HASPIN: variants seen among roughly 807,000 people sequenced by gnomAD.
HASPIN encodes the protein histone H3 associated protein kinase, also known as serine/threonine-protein kinase haspin.
A neutral mutation model predicts 28.8 loss-of-function variants in HASPIN; 24 were observed. The ratio of observed to expected loss-of-function variants is 0.83; its 90% CI spans 0.60 to 1.17. The LOEUF (loss-of-function observed/expected upper bound fraction) is 1.17, where lower values mean the gene tolerates loss of function less well. Ranked by LOEUF, HASPIN falls within the 50% of genes most tolerant of loss-of-function variation. The probability of loss-of-function intolerance (pLI) is 0.00; values close to 1 mark genes in which losing one functional copy is unlikely to be tolerated. For synonymous variants in HASPIN, 440 were observed against 413.1 expected, an observed-to-expected ratio of 1.07 and a Z score of -0.79; for missense variants, 1,016 against 1,018.5, an observed-to-expected ratio of 1.00 and a Z score of 0.03.
In HASPIN at chr17:3,724,695, CCT is replaced by C. The variant is rs2051164201; in HGVS notation, c.761_762del (p.Pro254ArgfsTer4). On this transcript the variant is annotated frameshift_variant, in exon 1 of 1. Transcript: ENST00000325418. LOFTEE classifies it low-confidence loss of function (END_TRUNC). ...CTTTGGCCTTATGAACTCAGGAACC[CCT>C]GAGGATTCTGAGTTTCGGGCAGATG... ...VLFGLMNSGTPEDSEFRADGK... is the reference protein window; with the variant it reads ...VLFGLMNSGTXEDSEFRADGK... 1.2e-6 allele frequency: 2 copies of C among 1,614,072 alleles called. No homozygotes were observed. The highest frequency in any genetic ancestry group is 2.7e-5 in the African/African-American group (2 of 74,922).
Position 3,725,141 on chromosome 17 carries a change from C to T in HASPIN, c.1206C>T (p.Val402=). The change falls in exon 1 of 1, where the codon GTC becomes GTT. Residue 402 remains valine, a synonymous_variant. Coordinates refer to ENST00000325418, the MANE Select transcript of HASPIN (RefSeq NM_031965.2). The part of the protein sequence containing the change: ...KKKIVTDVSE[V]CSIYTTATSL... Reference sequence around the variant, plus strand: ...AAATTGTGACTGATGTGTCAGAGGTCTGCAGCATCTATACCACTGCCACTT... The same window carrying T: ...AAATTGTGACTGATGTGTCAGAGGTTTGCAGCATCTATACCACTGCCACTT... The T allele has an allele frequency of 6.2e-7, 1 of 1,614,180 alleles. No individual in the cohort carries two copies. The highest frequency in any genetic ancestry group is 1.3e-5 in the African/African-American group (1 of 75,048).
chr17:3,725,989 T>G lies in HASPIN; in HGVS notation c.2054T>G (p.Ile685Ser). 2 of 1,613,900 alleles carry G rather than the reference T, an allele frequency of 1.2e-6. No individual in the cohort carries two copies. Among genetic ancestry groups the G allele is most frequent in the Non-Finnish European group, 1.7e-6 (2 of 1,180,010 alleles). The change falls in exon 1 of 1, where the codon ATC becomes AGC. Residue 685 changes from isoleucine (I) to serine (S), a missense_variant. By Grantham distance (142) the Ile-to-Ser change is moderately radical. Coordinates refer to ENST00000325418, the MANE Select transcript of HASPIN (RefSeq NM_031965.2). ...TIPSCGLQVS[I>S]IDYTLSRLER... The stretch of plus-strand genomic sequence containing the variant: ...CCCAGCTGTGGGTTGCAAGTGAGCA[T>G]CATTGACTACACCCTGTCGCGCTTG...
At position 3,726,325 on chromosome 17, in the gene HASPIN, TTAAG is replaced by T; in HGVS notation, c.2395_*1del. ...GACTTGCTCTGCCAGCACAGTCTGT[TTAAG>T]TAAGCTAAATGTATCTTACTGCCCC... is the stretch of plus-strand genomic sequence containing the variant. On this transcript the variant is annotated frameshift_variant, in exon 1 of 1. Transcript: ENST00000325418. LOFTEE classifies it high-confidence loss of function. 1 of 1,605,902 alleles carries T rather than the reference TTAAG, an allele frequency of 6.2e-7. No homozygotes were observed. Among genetic ancestry groups the T allele is most frequent in the Non-Finnish European group, 8.5e-7 (1 of 1,174,292 alleles).
Position 3,725,417 on chromosome 17 carries a change from GT to G in HASPIN, c.1485del (p.Phe495LeufsTer14), listed in dbSNP as rs759403494. ...GCTGTGAGAAGATTGGGGAAGGGGT[GT>G]TTGGCGAAGTGTTTCAAACAATTGC... ...QRCEKIGEGV[F>X]GEVFQTIADH... On this transcript the variant is annotated frameshift_variant, in exon 1 of 1. Transcript: ENST00000325418. LOFTEE classifies it high-confidence loss of function. 1.2e-6 allele frequency: 2 copies of G among 1,614,206 alleles called. No individual in the cohort carries two copies. The highest frequency in any genetic ancestry group is 1.7e-6 in the Non-Finnish European group (2 of 1,180,032).
In HASPIN at chr17:3,725,851, C is replaced by T; in HGVS notation, c.1916C>T (p.Ala639Val). The change falls in exon 1 of 1, where the codon GCA becomes GTA. Residue 639 changes from alanine to valine, a missense_variant. Transcript: ENST00000325418. ...CAGCTCACAGCCTCCCTCGCAGTGG[C>T]AGAGGCATCACTGCGCTTTGAGCAC... ...LHQLTASLAV[A>V]EASLRFEHRD... The T allele has an allele frequency of 6.2e-7, 1 of 1,611,718 alleles. No homozygotes were observed. The highest frequency in any genetic ancestry group is 1.1e-5 in the South Asian group (1 of 91,076).
chr17:3,724,207 G>A lies in HASPIN; in HGVS notation c.272G>A (p.Arg91Gln), dbSNP rs957634086. Residue 91 changes from arginine (R) to glutamine (Q), a missense_variant, in exon 1 of 1, where the codon CGG becomes CAG. By Grantham distance (43) the Arg-to-Gln change is conservative. Coordinates refer to ENST00000325418, the MANE Select transcript of HASPIN (RefSeq NM_031965.2). ...RRPGGRVPKD[R>Q]PSLTVTPKRW... ...CCCGGCGGCCGAGTGCCCAAGGACC[G>A]GCCCAGCCTGACCGTGACCCCAAAG... 21 of 1,592,898 alleles carry A rather than the reference G, an allele frequency of 1.3e-5. No homozygotes were observed. The highest frequency in any genetic ancestry group is 1.7e-5 in the Non-Finnish European group (20 of 1,177,196).
rs761869674 is a variant in HASPIN, at chr17:3,725,155, C to T, written c.1220C>T (p.Thr407Ile). Residue 407 changes from threonine (T) to isoleucine (I), a missense_variant, in exon 1 of 1, where the codon ACC becomes ATC. Around this residue, in one of 3 missense-constraint regions of HASPIN, gnomAD observed 881 missense variants for 845.5 expected, o/e 1.04. Coordinates refer to ENST00000325418, the MANE Select transcript of HASPIN (RefSeq NM_031965.2). ...TDVSEVCSIYTTATSLSGSLL... is the reference protein window; with the variant it reads ...TDVSEVCSIYITATSLSGSLL... ...GTGTCAGAGGTCTGCAGCATCTATACCACTGCCACTTCTCTCTCTGGATCC... is the reference window on the plus strand; with the variant it reads ...GTGTCAGAGGTCTGCAGCATCTATATCACTGCCACTTCTCTCTCTGGATCC... 6.2e-7 allele frequency: 1 copy of T among 1,614,186 alleles called. No individual in the cohort carries two copies. The highest frequency in any genetic ancestry group is 1.1e-5 in the South Asian group (1 of 91,080).
chr17:3,725,132 G>A lies in HASPIN; in HGVS notation c.1197G>A (p.Val399=), dbSNP rs373881680. The change falls in exon 1 of 1, where the codon GTG becomes GTA. Residue 399 remains valine (V), a synonymous_variant. Transcript: ENST00000325418. ...SFHKKKIVTD[V]SEVCSIYTTA... is the part of the protein sequence containing the mutation. ...ACAAGAAGAAAATTGTGACTGATGT[G>A]TCAGAGGTCTGCAGCATCTATACCA... is the stretch of plus-strand genomic sequence containing the variant. The A allele has an allele frequency of 7.9e-5, 127 of 1,614,058 alleles. No homozygotes were observed. The highest frequency in any genetic ancestry group is 1.1e-4 in the Non-Finnish European group (125 of 1,180,040).
rs756143093 is a variant in HASPIN, at chr17:3,724,920, G to C, written c.985G>C (p.Asp329His). The change falls in exon 1 of 1, where the codon GAC becomes CAC. Residue 329 changes from aspartate to histidine, a missense_variant. Asp to His is a moderately conservative substitution (Grantham distance 81, BLOSUM62 -1). Around this residue, in one of 3 missense-constraint regions of HASPIN, gnomAD observed 881 missense variants for 845.5 expected, o/e 1.04. Transcript: ENST00000325418. ...GGGCCGCATTGTGCCAAGGGGAATAGACAGGCTGGAGAGAACTAGATCAAG... is the reference window on the plus strand; with the variant it reads ...GGGCCGCATTGTGCCAAGGGGAATACACAGGCTGGAGAGAACTAGATCAAG... ...PKGRIVPRGI[D>H]RLERTRSSRK... 1.2e-6 allele frequency: 2 copies of C among 1,613,684 alleles called. No homozygotes were observed. Among genetic ancestry groups the C allele is most frequent in the African/African-American group, 1.3e-5 (1 of 75,048 alleles).
chr17:3,725,150 C>G lies in HASPIN; in HGVS notation c.1215C>G (p.Ile405Met), dbSNP rs777054247. 1 of 1,614,196 alleles carries G rather than the reference C, an allele frequency of 6.2e-7. No homozygotes were observed. The highest frequency in any genetic ancestry group is 1.1e-5 in the South Asian group (1 of 91,084). ...CTGATGTGTCAGAGGTCTGCAGCAT[C>G]TATACCACTGCCACTTCTCTCTCTG... ...IVTDVSEVCSIYTTATSLSGS... is the reference protein window; with the variant it reads ...IVTDVSEVCSMYTTATSLSGS... Residue 405 changes from isoleucine (I) to methionine (M), a missense_variant, in exon 1 of 1, where the codon ATC becomes ATG. Transcript: ENST00000325418.
rs749752726 is a variant in HASPIN, at chr17:3,725,510, T to A, written c.1575T>A (p.His525Gln). 2.5e-6 allele frequency: 4 copies of A among 1,614,156 alleles called. No individual in the cohort carries two copies. Among genetic ancestry groups the A allele is most frequent in the East Asian group, 2.2e-5 (1 of 44,886 alleles). The change falls in exon 1 of 1, where the codon CAT (histidine) becomes CAA (glutamine). Residue 525 changes from histidine (H) to glutamine (Q), a missense_variant. This residue lies in a region of HASPIN where 881 missense variants were observed against 845.5 expected (regional missense o/e 1.04). Coordinates refer to ENST00000325418, the MANE Select transcript of HASPIN (RefSeq NM_031965.2). ...GACCAGATTTAGTCAATGGATCCCA[T>A]CAGAAAACCTTTGAGGAAATCCTGC... ...IEGPDLVNGS[H>Q]QKTFEEILPE...
At position 3,724,089 on chromosome 17, in the gene HASPIN, G is replaced by T; in HGVS notation, c.154G>T (p.Ala52Ser). 1 of 1,595,472 alleles carries T rather than the reference G, an allele frequency of 6.3e-7. No individual in the cohort carries two copies. The highest frequency in any genetic ancestry group is 8.5e-7 in the Non-Finnish European group (1 of 1,177,504). Reference protein sequence around the residue: ...RFFNSSGSSDASIGDPSQSDD... With the variant: ...RFFNSSGSSDSSIGDPSQSDD... ...CTTCAACAGCAGCGGCAGCAGCGACGCCAGCATCGGCGACCCCTCGCAGTC... is the reference window on the plus strand; with the variant it reads ...CTTCAACAGCAGCGGCAGCAGCGACTCCAGCATCGGCGACCCCTCGCAGTC... Residue 52 changes from alanine (A) to serine (S), a missense_variant, in exon 1 of 1, where the codon GCC becomes TCC. By Grantham distance (99) the Ala-to-Ser change is moderately conservative. This residue lies in a region of HASPIN where 881 missense variants were observed against 845.5 expected (regional missense o/e 1.04). Coordinates refer to ENST00000325418, the MANE Select transcript of HASPIN (RefSeq NM_031965.2).
At position 3,724,188 on chromosome 17, in the gene HASPIN, G is replaced by A. The variant is rs1171036765; in HGVS notation, c.253G>A (p.Gly85Ser). 1.9e-6 allele frequency: 3 copies of A among 1,591,792 alleles called. No individual in the cohort carries two copies. The highest frequency in any genetic ancestry group is 2.5e-6 in the Non-Finnish European group (3 of 1,176,550). The change falls in exon 1 of 1, where the codon GGC becomes AGC. Residue 85 changes from glycine (G) to serine (S), a missense_variant. Gly to Ser is a moderately conservative substitution (Grantham distance 56). Transcript: ENST00000325418. ...GAGGCGGCGGCGGAGGCGTCCCGGC[G>A]GCCGAGTGCCCAAGGACCGGCCCAG... Reference protein sequence around the residue: ...PVRRRRRRPGGRVPKDRPSLT... With the variant: ...PVRRRRRRPGSRVPKDRPSLT...
Position 3,724,115 on chromosome 17 carries a change from C to G in HASPIN, c.180C>G (p.Ser60=). The change falls in exon 1 of 1, where the codon TCC becomes TCG. Residue 60 remains serine, a synonymous_variant. Transcript: ENST00000325418. ...SDASIGDPSQ[S]DDPDDPDDPD... ...CCAGCATCGGCGACCCCTCGCAGTC[C>G]GACGATCCTGACGATCCCGACGACC... is the stretch of plus-strand genomic sequence containing the variant. 6.3e-7 allele frequency: 1 copy of G among 1,594,772 alleles called. No individual in the cohort carries two copies.
chr17:3,726,525 A>C lies in HASPIN; in HGVS notation c.*193A>C. On this transcript the variant is annotated 3_prime_UTR_variant, in exon 1 of 1. Coordinates refer to ENST00000325418, the MANE Select transcript of HASPIN (RefSeq NM_031965.2). ...AAATGTTTAAATTTGCTGATAACAAATGTTCTGAAAGAAGTAAACTAGCCG... is the reference window on the plus strand; with the variant it reads ...AAATGTTTAAATTTGCTGATAACAACTGTTCTGAAAGAAGTAAACTAGCCG... 1.7e-6 allele frequency: 1 copy of C among 580,576 alleles called. No homozygotes were observed. The highest frequency in any genetic ancestry group is 3.1e-6 in the Non-Finnish European group (1 of 322,038). 36.0% of individuals were successfully genotyped at this position (580,576 alleles called of 1,614,324 possible).
In HASPIN at chr17:3,726,388, T is replaced by A; in HGVS notation, c.*56T>A. The A allele has an allele frequency of 7.8e-7, 1 of 1,282,652 alleles. No individual in the cohort carries two copies. Among genetic ancestry groups the A allele is most frequent in the Non-Finnish European group, 1.1e-6 (1 of 911,432 alleles). 79.5% of individuals were successfully genotyped at this position (1,282,652 alleles called of 1,614,324 possible). A position where few individuals can be genotyped will look rare whatever the true frequency, so the allele number is the denominator to read the frequency against. The stretch of plus-strand genomic sequence containing the variant: ...AGGAGACTGGTCTTGAAGCCTCTGG[T>A]GCTGTTTCAACCTCCATCCCCACAG... On this transcript the variant is annotated 3_prime_UTR_variant, in exon 1 of 1. Coordinates refer to ENST00000325418, the MANE Select transcript of HASPIN (RefSeq NM_031965.2).
rs748958398 is a variant in HASPIN, at chr17:3,726,096, A to G, written c.2161A>G (p.Ile721Val). Reference sequence around the variant, plus strand: ...CGGTGACGGTGACTACCAGTTTGACATCTACAGGCTCATGAAGAAGGAGAA... The same window carrying G: ...CGGTGACGGTGACTACCAGTTTGACGTCTACAGGCTCATGAAGAAGGAGAA... ...FTGDGDYQFDIYRLMKKENNN... is the reference protein window; with the variant it reads ...FTGDGDYQFDVYRLMKKENNN... The change falls in exon 1 of 1, where the codon ATC (isoleucine) becomes GTC (valine). Residue 721 changes from isoleucine to valine, a missense_variant. Physicochemically the swap from Ile to Val is conservative, Grantham distance 29 (BLOSUM62 3). Around this residue, in one of 3 missense-constraint regions of HASPIN, gnomAD observed 129 missense variants for 156.2 expected, o/e 0.83. Coordinates refer to ENST00000325418, the MANE Select transcript of HASPIN (RefSeq NM_031965.2). 6.2e-7 allele frequency: 1 copy of G among 1,614,190 alleles called. No individual in the cohort carries two copies. Among genetic ancestry groups the G allele is most frequent in the Non-Finnish European group, 8.5e-7 (1 of 1,180,036 alleles).
Position 3,726,260 on chromosome 17 carries a change from G to A in HASPIN, c.2325G>A (p.Gln775=). 6.2e-7 allele frequency: 1 copy of A among 1,614,176 alleles called. No homozygotes were observed. The highest frequency in any genetic ancestry group is 8.5e-7 in the Non-Finnish European group (1 of 1,180,020). The part of the protein sequence containing the change: ...PAMKQIKRKI[Q]EFHRTMLNFS... ...TGAAGCAAATTAAGAGAAAAATCCAGGAGTTCCACAGGACAATGCTGAACT... is the reference window on the plus strand; with the variant it reads ...TGAAGCAAATTAAGAGAAAAATCCAAGAGTTCCACAGGACAATGCTGAACT... The change falls in exon 1 of 1, where the codon CAG becomes CAA. Residue 775 remains glutamine, a synonymous_variant. Transcript: ENST00000325418.
In HASPIN at chr17:3,725,799, T is replaced by C. The variant is rs1393011638; in HGVS notation, c.1864T>C (p.Leu622=). The change falls in exon 1 of 1, where the codon TTG becomes CTG. Residue 622 remains leucine (L), a synonymous_variant. Coordinates refer to ENST00000325418, the MANE Select transcript of HASPIN (RefSeq NM_031965.2). ...LEQMRTKLSS[L]ATAKSILHQL... ...GCAAATGCGAACCAAGTTGTCTTCC[T>C]TGGCTACTGCAAAGAGCATTCTACA... 6.2e-7 allele frequency: 1 copy of C among 1,609,580 alleles called. No individual in the cohort carries two copies. Among genetic ancestry groups the C allele is most frequent in the African/African-American group, 1.3e-5 (1 of 74,796 alleles).
Sources: gnomAD v4.1 joint callset for allele counts on GRCh38, gnomAD v4.1.1 for gene constraint, gnomAD v4.1.1 regional missense constraint, MANE v1.5 for transcripts, NCBI Gene and HGNC (gene_info 2026-07-23, HGNC 2026-07-21) for gene names.